The following COL4A4 variants were observed in gnomAD, a reference collection of about 807,000 sequenced individuals.
COL4A4 encodes the protein collagen type IV alpha 4 chain.
In COL4A4, 105 loss-of-function variants were observed where a neutral mutation model predicts 192.9. The observed-to-expected ratio is 0.54, with a 90% CI of 0.46 to 0.64. The LOEUF (loss-of-function observed/expected upper bound fraction) is 0.64. COL4A4 is among the 30% of genes least tolerant of loss of function. The probability of loss-of-function intolerance (pLI) is 0.00; values close to 1 mark genes in which losing one functional copy is unlikely to be tolerated. For synonymous variants in COL4A4, 762 were observed against 769.9 expected (o/e 0.99, Z 0.17); for missense variants, 1,967 against 2,169.3 (o/e 0.91, Z 1.85).
chr2:226,971,351 G>A, the COL4A4 span, among the ~76,000 whole-genome samples: 1 of 152,226 alleles, frequency 6.6e-6, no homozygotes, highest in East Asian at 1.9e-4. Flanking sequence ...GGTGTCGAAG[G>A]ACGTCTGAAC....
chr2:227,030,378 C>T (rs1968018748), intron 41 of COL4A4, 65 bp downstream of exon 41: 1 of 1,541,758 alleles, frequency 6.5e-7, no homozygotes, highest in African/African-American at 1.4e-5. Flanking sequence ...GGCACAGTAC[C>T]CCAGACCCTC....
At chr2:226,996,935 T>G in the COL4A4 span, 2 of 152,224 alleles carry the variant, frequency 1.3e-5, no homozygotes, top group African/African-American at 4.8e-5. Context: ...TAAAGTCACC[T>G]GTAGCCCTAC....
chr2:226,988,364 C>T, the COL4A4 span: 1 of 1,550,366 alleles, frequency 6.5e-7, no homozygotes. Context: ...AATGGCAAGT[C>T]TCCTGGACCC....
At position 227,147,520 on chromosome 2, in the gene COL4A4, A is replaced by T. The variant is rs1443897904; in HGVS notation, c.-37T>A. 1 of 1,583,032 alleles carries T rather than the reference A, an allele frequency of 6.3e-7. No individual in the cohort carries two copies. The highest frequency in any genetic ancestry group is 8.7e-7 in the Non-Finnish European group (1 of 1,153,344). The stretch of plus-strand genomic sequence containing the variant: ...CTTAGTACTTAAAAAATATTCTGCC[A>T]GTCTTCTCTTCCAGAAGGTTCTTGT... On this transcript the variant is annotated 5_prime_UTR_variant, in exon 2 of 48. Coordinates refer to ENST00000396625, the MANE Select transcript of COL4A4 (RefSeq NM_000092.5).
chr2:227,041,846 A>AAGAAAGAGAGAGAGAGAGAGAGAGAAAG (rs1559478097), intron 37 of COL4A4, among the ~76,000 whole-genome samples: 1 of 39,302 alleles, frequency 2.5e-5, no homozygotes, highest in Non-Finnish European at 4.4e-5. Context: ...GAAAGAAAGA[A>AAGAAAGAGAGAGAGAGAGAGAGAGAAAG]AGAGAAAGAA....
chr2:227,148,421 T>C lies in COL4A4; in HGVS notation c.-101-837A>G, dbSNP rs115128751. 3.6e-3 allele frequency among the ~76,000 whole-genome samples: 544 copies of C among 152,304 alleles called. 3 individuals are homozygous for C. The highest frequency in any genetic ancestry group is 0.012 in the African/African-American group (505 of 41,576). On this transcript the variant is annotated intron_variant, in intron 1 of 47. Transcript: ENST00000396625. ...CACATATTTTATGATTCTATGTATA[T>C]AAAAAGTCCAGAATAGGAAATCCAT...
At chr2:227,142,110 A>C (rs2063255429) in intron 3 of COL4A4, among the ~76,000 whole-genome samples, 1 of 151,674 alleles carries the variant, frequency 6.6e-6, no homozygotes, top group Admixed American at 6.6e-5. Context: ...AAAAAAAAAA[A>C]AAAAAAAACA....
Position 227,022,159 on chromosome 2 carries a change from G to T in COL4A4, c.4105C>A (p.Pro1369Thr). 2 of 1,614,084 alleles carry T rather than the reference G, an allele frequency of 1.2e-6. No individual in the cohort carries two copies. Among genetic ancestry groups the T allele is most frequent in the Non-Finnish European group, 1.7e-6 (2 of 1,180,034 alleles). Residue 1369 changes from proline (P) to threonine (T), a missense_variant, in exon 44 of 48, where the codon CCT (proline) becomes ACT (threonine). Physicochemically the swap from Pro to Thr is conservative, Grantham distance 38. Transcript: ENST00000396625. ...LPGPRGEPGPPADVDDCPRIP... is the reference protein window; with the variant it reads ...LPGPRGEPGPTADVDDCPRIP... Reference sequence around the variant, plus strand: ...CGGGGACAGTCATCCACATCTGCAGGTGGCCCCGGTTCACCTGAAATTGGA... The same window carrying T: ...CGGGGACAGTCATCCACATCTGCAGTTGGCCCCGGTTCACCTGAAATTGGA...
At chr2:227,063,467 A>C (rs1385665698) in intron 25 of COL4A4, among the ~76,000 whole-genome samples, 1 of 152,190 alleles carries the variant, frequency 6.6e-6, no homozygotes, top group Non-Finnish European at 1.5e-5. Context: ...ATACCAAGAT[A>C]CTTGCTTGCC....
intron 17 of COL4A4, among the ~76,000 whole-genome samples, chr2:227,101,149 A>T (rs1471423585): frequency 2.0e-5 from 3 of 152,098 alleles, no homozygotes; most frequent in Non-Finnish European, 4.4e-5. Context: ...GTCTCACAAG[A>T]TAATGGTTTT....
intron 25 of COL4A4, among the ~76,000 whole-genome samples, chr2:227,065,643 C>T (rs995907222): frequency 9.1e-4 from 138 of 151,740 alleles, no homozygotes; most frequent in South Asian, 3.1e-3. Context: ...GGGCCCAGTA[C>T]TCCAACAGAC....
At chr2:226,976,244 G>A in the COL4A4 span, among the ~76,000 whole-genome samples, 7 of 147,076 alleles carry the variant, frequency 4.8e-5, no homozygotes, top group African/African-American at 1.8e-4. Flanking sequence ...TAAGTCCTCT[G>A]TCACCTTGTC....
chr2:227,118,771 A>G lies in COL4A4; in HGVS notation c.373-10T>C. 6.3e-7 allele frequency: 1 copy of G among 1,591,720 alleles called. No individual in the cohort carries two copies. Among genetic ancestry groups the G allele is most frequent in the Non-Finnish European group, 8.6e-7 (1 of 1,161,280 alleles). Reference sequence around the variant, plus strand: ...GAGGCCCTGGGTGCCCCTGCAGAAAACAAAATTATAAGTGAAGCATTTTTG... The same window carrying G: ...GAGGCCCTGGGTGCCCCTGCAGAAAGCAAAATTATAAGTGAAGCATTTTTG... On this transcript the variant is annotated splice_polypyrimidine_tract_variant and intron_variant, in intron 6 of 47. Coordinates refer to ENST00000396625, the MANE Select transcript of COL4A4 (RefSeq NM_000092.5).
chr2:226,983,863 C>G, the COL4A4 span, among the ~76,000 whole-genome samples: 1 of 152,202 alleles, frequency 6.6e-6, no homozygotes, highest in Non-Finnish European at 1.5e-5. Flanking sequence ...AAAAATAAAA[C>G]AGGTCTAAAT....
At chr2:227,048,210 GA>G (rs1360085578) in intron 34 of COL4A4, among the ~76,000 whole-genome samples, 1 of 152,186 alleles carries the variant, frequency 6.6e-6, no homozygotes, top group African/African-American at 2.4e-5. Flanking sequence ...GAGAATTACA[GA>G]GGTAAGTTAG....
chr2:227,098,615 A>T, intron 19 of COL4A4, 79 bp downstream of exon 19: 1 of 1,055,524 alleles, frequency 9.5e-7, no homozygotes, highest in Non-Finnish European at 1.5e-6. Flanking sequence ...AATATCAGCT[A>T]CAGTTGAAAG....
At chr2:227,097,685 C>T (rs772467334) in intron 19 of COL4A4, among the ~76,000 whole-genome samples, 19 of 152,194 alleles carry the variant, frequency 1.2e-4, no homozygotes, top group Non-Finnish European at 2.2e-4. Flanking sequence ...TATTTATATA[C>T]TCCTGGGTCA....
At chr2:227,124,359 T>A (rs2061968532) in intron 4 of COL4A4, among the ~76,000 whole-genome samples, 1 of 152,242 alleles carries the variant, frequency 6.6e-6, no homozygotes, top group Non-Finnish European at 1.5e-5. Context: ...CATCTTACCA[T>A]CAGCAGAAGT....
chr2:227,097,411 T>C (rs2060261519), intron 19 of COL4A4, among the ~76,000 whole-genome samples: 1 of 152,252 alleles, frequency 6.6e-6, no homozygotes, highest in African/African-American at 2.4e-5. Flanking sequence ...AATATAAATG[T>C]ATATGTTTTT....
Sources: allele counts gnomAD v4.1 joint callset (sites outside exome capture counted in the v4.1 genomes callset), GRCh38; gene constraint gnomAD v4.1.1; transcripts MANE v1.5; gene names NCBI Gene and HGNC (gene_info 2026-07-23, HGNC 2026-07-21).